Variants in ETS1 observed in about 807,000 individuals in gnomAD.
The protein encoded by ETS1 is protein C-ets-1.
A neutral mutation model predicts 58.6 loss-of-function variants in ETS1; 15 were observed. That is an observed-to-expected ratio of 0.26 (90% CI 0.17 to 0.39). The LOEUF (loss-of-function observed/expected upper bound fraction) is 0.39, where lower values mean the gene tolerates loss of function less well. Among genes scored for constraint, ETS1 ranks in the 10% least tolerant of loss-of-function variants. The probability of loss-of-function intolerance (pLI) is 1.00; values close to 1 mark genes in which losing one functional copy is unlikely to be tolerated. For synonymous variants in ETS1, 214 were observed against 218.2 expected, an observed-to-expected ratio of 0.98 and a Z score of 0.17; for missense variants, 417 against 610.5, an observed-to-expected ratio of 0.68 and a Z score of 3.34.
rs766848139 is a variant in ETS1 at position 128,464,238 on chromosome 11, GAA to G, written c.1124-613_1124-612del. 2.5e-5 allele frequency among the ~76,000 whole-genome samples: 3 copies of G among 118,400 alleles called. No individual in the cohort carries two copies. Among genetic ancestry groups the G allele is most frequent in the Non-Finnish European group, 1.9e-5 (1 of 53,784 alleles). The allele number at this position is 118,400 out of a possible 152,430, so 77.7% of individuals were successfully genotyped here. On this transcript the variant is annotated intron_variant, in intron 8 of 9. Transcript: ENST00000392668. This position sits in a 1 kb window ranked among gnomAD's most constrained non-coding sequence, Gnocchi z 4.1. ...TCCACTTACAGGAAAGCACCCAAAG[GAA>G]AAAAAAAAAAAAGCATCATTACTAT...
chr11:128,576,818 T>G (rs1864760300), intron 1 of ETS1, among the ~76,000 whole-genome samples: 1 of 152,058 alleles, frequency 6.6e-6, no homozygotes, highest in Non-Finnish European at 1.5e-5. Context: ...TTACCCCCTC[T>G]GCTAGGAATG....
chr11:128,486,031 C>T, intron 6 of ETS1, 38 bp downstream of exon 6: 1 of 1,292,634 alleles, frequency 7.7e-7, no homozygotes, highest in African/African-American at 1.5e-5. Context: ...TCCTAGTTTG[C>T]TATTATCATG....
At chr11:128,488,746 G>A (rs762609109) in intron 5 of ETS1, among the ~76,000 whole-genome samples, 23 of 152,118 alleles carry the variant, frequency 1.5e-4, no homozygotes, top group East Asian at 9.6e-4. Flanking sequence ...GCAACATAGC[G>A]TCCTGATATA....
In ETS1 at chr11:128,462,195, C is replaced by T. The variant is rs146855179; in HGVS notation, c.*166G>A. On this transcript the variant is annotated 3_prime_UTR_variant, in exon 10 of 10. Coordinates refer to ENST00000392668, the MANE Select transcript of ETS1 (RefSeq NM_001143820.2). ...ACAAGTCCTGGCTTTCCTTTCCCAA[C>T]TGCGCACAATTGATTACAGCTGCAA... The T allele has an allele frequency of 3.7e-5, 22 of 590,388 alleles. No individual in the cohort carries two copies. Among genetic ancestry groups the T allele is most frequent in the African/African-American group, 3.0e-4 (16 of 54,124 alleles). 36.6% of individuals were successfully genotyped at this position (590,388 alleles called of 1,614,324 possible).
chr11:128,553,619 A>G (rs1864266280), intron 3 of ETS1, among the ~76,000 whole-genome samples: 1 of 151,496 alleles, frequency 6.6e-6, no homozygotes, highest in Non-Finnish European at 1.5e-5. Flanking sequence ...TCTCCCACTC[A>G]CCTGATAAGT....
chr11:128,472,683 T>C (rs1862218108), intron 8 of ETS1, among the ~76,000 whole-genome samples: 1 of 152,156 alleles, frequency 6.6e-6, no homozygotes, highest in Admixed American at 6.5e-5. Flanking sequence ...TCCACCCCTG[T>C]GAGACACAGA....
At chr11:128,495,197 G>A (rs566443334) in intron 3 of ETS1, among the ~76,000 whole-genome samples, 32 of 152,274 alleles carry the variant, frequency 2.1e-4, no homozygotes, top group Admixed American at 1.7e-3. Context: ...AGAGGGACCA[G>A]CTGGGGCTAG....
chr11:128,568,722 C>T (rs542100674), intron 2 of ETS1, among the ~76,000 whole-genome samples: 27 of 152,162 alleles, frequency 1.8e-4, no homozygotes, highest in Non-Finnish European at 3.2e-4. Flanking sequence ...GGATTTTAAC[C>T]ACTGTGGCTC....
At position 128,463,876 on chromosome 11, in the gene ETS1, G is replaced by C. The variant is rs1299121717; in HGVS notation, c.1124-249C>G. 1 of 274,956 alleles carries C rather than the reference G, an allele frequency of 3.6e-6. No individual in the cohort carries two copies. The highest frequency in any genetic ancestry group is 6.9e-6 in the Non-Finnish European group (1 of 144,578). 17.0% of individuals were successfully genotyped at this position (274,956 alleles called of 1,614,324 possible). ...AGTGCTTTATTTTGATTAACTTAAG[G>C]ATCGGTTCATTTTTATTGCTAAACA... On this transcript the variant is annotated intron_variant, in intron 8 of 9. Transcript: ENST00000392668. The surrounding 1 kb of genome is among the most constrained non-coding windows in gnomAD (Gnocchi z 4.1).
Position 128,480,484 on chromosome 11 carries a change from G to C in ETS1, c.863-33C>G. ...TAAAGGAGGAGGTAGGAAGAGGACA[G>C]GGGGAGGAGGGAGTGGGAAAAAAAA... On this transcript the variant is annotated intron_variant, in intron 7 of 9. Coordinates refer to ENST00000392668, the MANE Select transcript of ETS1 (RefSeq NM_001143820.2). 2.0e-6 allele frequency: 3 copies of C among 1,508,422 alleles called. No homozygotes were observed. In the South Asian group the frequency reaches 3.4e-5, roughly 17 times the overall value. The allele number at this position is 1,508,422 out of a possible 1,614,324, so 93.4% of individuals were successfully genotyped here.
intron 5 of ETS1, among the ~76,000 whole-genome samples, chr11:128,487,482 T>A (rs1862665835): frequency 6.6e-6 from 1 of 152,158 alleles, no homozygotes; most frequent in Admixed American, 6.5e-5. Flanking sequence ...GGCTCACGCC[T>A]GTAATCCCAG....
Position 128,459,683 on chromosome 11 carries a change from G to A in ETS1, c.*2678C>T, listed in dbSNP as rs1476844853. 6.5e-6 allele frequency: 1 copy of A among 152,808 alleles called. No homozygotes were observed. The highest frequency in any genetic ancestry group is 2.4e-5 in the African/African-American group (1 of 41,456). 9.5% of individuals were successfully genotyped at this position (152,808 alleles called of 1,614,324 possible). A position where few individuals can be genotyped will look rare whatever the true frequency, so the allele number is the denominator to read the frequency against. On this transcript the variant is annotated 3_prime_UTR_variant, in exon 10 of 10. Coordinates refer to ENST00000392668, the MANE Select transcript of ETS1 (RefSeq NM_001143820.2). ...ACCACCCACCACTCTTCCTGGGATG[G>A]TCTCTGGCCTTTGGACAAAGGAGAA...
chr11:128,462,762 T>C (rs1263501612), intron 9 of ETS1, among the ~76,000 whole-genome samples, 186 bp from the exon 10 acceptor site: 1 of 152,194 alleles, frequency 6.6e-6, no homozygotes, highest in Non-Finnish European at 1.5e-5. Context: ...CCATTTTTCA[T>C]GGGTTGGGCA....
At chr11:128,507,263 G>A (rs1039501064) in intron 3 of ETS1, among the ~76,000 whole-genome samples, 1 of 152,230 alleles carries the variant, frequency 6.6e-6, no homozygotes, top group Non-Finnish European at 1.5e-5. Flanking sequence ...CAGGGACGGA[G>A]GGAGGGAGAG....
intron 3 of ETS1, chr11:128,497,583 C>G (rs1862975707): frequency 1.0e-6 from 1 of 984,926 alleles, no homozygotes; most frequent in Non-Finnish European, 1.2e-6. Flanking sequence ...CAGGCTCACA[C>G]ATGGTTCCAA....
At chr11:128,501,156 T>C (rs894956646) in intron 3 of ETS1, among the ~76,000 whole-genome samples, 1 of 152,194 alleles carries the variant, frequency 6.6e-6, no homozygotes, top group Non-Finnish European at 1.5e-5. Flanking sequence ...CAACCATTCA[T>C]GTTGGCATGG....
At chr11:128,504,119 G>A (rs1303116643) in intron 3 of ETS1, among the ~76,000 whole-genome samples, 2 of 152,208 alleles carry the variant, frequency 1.3e-5, no homozygotes. Flanking sequence ...GGGGCCTAGA[G>A]AGATAAGCTT....
chr11:128,499,710 T>C (rs1333776714), intron 3 of ETS1, among the ~76,000 whole-genome samples: 1 of 152,148 alleles, frequency 6.6e-6, no homozygotes, highest in African/African-American at 2.4e-5. Context: ...CCCGAGACTC[T>C]CTACCGACAG....
chr11:128,519,403 T>C (rs1243032713), intron 3 of ETS1, among the ~76,000 whole-genome samples: 1 of 152,066 alleles, frequency 6.6e-6, no homozygotes, highest in East Asian at 1.9e-4. Flanking sequence ...CCAGATAAGA[T>C]CCCACACTAG....
Sources: gnomAD v4.1 joint callset for allele counts (sites outside exome capture counted in the v4.1 genomes callset) on GRCh38, gnomAD v4.1.1 for gene constraint, Gnocchi (gnomAD v3.1) non-coding constraint, MANE v1.5 for transcripts, NCBI Gene and HGNC (gene_info 2026-07-23, HGNC 2026-07-21) for gene names.